The following PXDNL variants were observed in gnomAD, a reference collection of about 807,000 sequenced individuals.
PXDNL encodes the protein probable oxidoreductase PXDNL.
A neutral mutation model predicts 150.8 loss-of-function variants in PXDNL; 145 were observed. That is an observed-to-expected ratio of 0.96 (90% confidence interval 0.84 to 1.10). PXDNL has a LOEUF of 1.10. Among genes scored for constraint, PXDNL ranks in the 50% least tolerant of loss-of-function variants. PXDNL has a pLI of 0.00. For synonymous variants in PXDNL, 757 were observed against 725.7 expected (o/e 1.04, Z -0.69); for missense variants, 2,087 against 1,873.9 (o/e 1.11, Z -2.10).
intron 9 of PXDNL, among the ~76,000 whole-genome samples, chr8:51,455,110 C>T (rs533064155): frequency 0.05 from 48 of 968 alleles, 7 homozygotes; most frequent in African/African-American, 0.059. Flanking sequence ...AGCGAGACTC[C>T]GTCTCAAAAA....
intron 1 of PXDNL, among the ~76,000 whole-genome samples, chr8:51,803,258 A>G (rs1171106801): frequency 6.6e-6 from 1 of 152,144 alleles, no homozygotes; most frequent in East Asian, 1.9e-4. Flanking sequence ...TTACTTGCTT[A>G]TATCAATATC....
At chr8:51,435,893 TA>T in intron 12 of PXDNL, 1 of 470,252 alleles carries the variant, frequency 2.1e-6, no homozygotes, top group East Asian at 5.6e-5. Context: ...AAATGGATCG[TA>T]AGCATAAATA....
chr8:51,378,915 C>T (rs1335983368), intron 17 of PXDNL, among the ~76,000 whole-genome samples: 2 of 152,158 alleles, frequency 1.3e-5, no homozygotes, highest in Non-Finnish European at 2.9e-5. Flanking sequence ...ACACTCACGG[C>T]GAGGGTCTGC....
At chr8:51,341,689 C>A (rs1449406520) in intron 20 of PXDNL, among the ~76,000 whole-genome samples, 1 of 152,156 alleles carries the variant, frequency 6.6e-6, no homozygotes, top group Non-Finnish European at 1.5e-5. Flanking sequence ...TTTTAGATAC[C>A]TCATATAAAC....
At chr8:51,744,109 A>G (rs1286030853) in intron 1 of PXDNL, among the ~76,000 whole-genome samples, 1 of 141,746 alleles carries the variant, frequency 7.1e-6, no homozygotes, top group Non-Finnish European at 1.6e-5. Context: ...AAAGAAAGAA[A>G]GAAAGAAAGA....
intron 12 of PXDNL, among the ~76,000 whole-genome samples, chr8:51,445,834 G>A (rs1181137535): frequency 6.6e-6 from 1 of 152,048 alleles, no homozygotes; most frequent in Admixed American, 6.5e-5. Flanking sequence ...CAAGCTTTTG[G>A]TATTTCCTCT....
chr8:51,735,265 G>A (rs1207798443), intron 1 of PXDNL, among the ~76,000 whole-genome samples: 1 of 152,002 alleles, frequency 6.6e-6, no homozygotes, highest in Non-Finnish European at 1.5e-5. Context: ...TGGATCACTT[G>A]AGGTCAGGAG....
intron 1 of PXDNL, among the ~76,000 whole-genome samples, chr8:51,714,078 T>A (rs1374960540): frequency 6.6e-6 from 1 of 152,218 alleles, no homozygotes; most frequent in African/African-American, 2.4e-5. Flanking sequence ...AAATGGATAG[T>A]ACATTGAGTT....
At chr8:51,422,587 C>T (rs868698024) in intron 14 of PXDNL, among the ~76,000 whole-genome samples, 2 of 152,162 alleles carry the variant, frequency 1.3e-5, no homozygotes, top group Middle Eastern at 3.4e-3. Flanking sequence ...ACCCATAAGG[C>T]GTGGAAAAAC....
At chr8:51,387,612 A>G (rs1416758593) in intron 17 of PXDNL, among the ~76,000 whole-genome samples, 2 of 152,208 alleles carry the variant, frequency 1.3e-5, no homozygotes, top group East Asian at 3.9e-4. Context: ...CATACCTTTT[A>G]TTAAGGAAAT....
chr8:51,676,999 T>C (rs948620901), intron 1 of PXDNL, among the ~76,000 whole-genome samples: 1 of 152,226 alleles, frequency 6.6e-6, no homozygotes, highest in Non-Finnish European at 1.5e-5. Flanking sequence ...CAGAGGCTTA[T>C]CCTCTTAACT....
intron 4 of PXDNL, among the ~76,000 whole-genome samples, chr8:51,556,083 C>A (rs7007565): frequency 0.28 from 42,486 of 151,720 alleles, 7,541 homozygotes; most frequent in African/African-American, 0.5. Flanking sequence ...ACCAGACTGG[C>A]CAATGTGGTG....
intron 1 of PXDNL, among the ~76,000 whole-genome samples, chr8:51,776,032 G>C (rs561482416): frequency 6.6e-6 from 1 of 152,184 alleles, no homozygotes; most frequent in African/African-American, 2.4e-5. Flanking sequence ...TTTTACAGTT[G>C]TGTAAGGAAC....
intron 14 of PXDNL, among the ~76,000 whole-genome samples, 192 bp downstream of exon 14, chr8:51,423,383 T>G (rs943535291): frequency 3.3e-5 from 5 of 152,216 alleles, no homozygotes; most frequent in Non-Finnish European, 7.3e-5. Flanking sequence ...TTTTTCACTT[T>G]ATATCCTTTA....
chr8:51,488,692 T>A (rs1172925360), intron 5 of PXDNL, among the ~76,000 whole-genome samples: 2 of 152,086 alleles, frequency 1.3e-5, no homozygotes, highest in African/African-American at 4.8e-5. Context: ...TGTAAGAAAA[T>A]AAACTTATCT....
chr8:51,404,948 C>A (rs1263958773), intron 17 of PXDNL, among the ~76,000 whole-genome samples: 1 of 152,212 alleles, frequency 6.6e-6, no homozygotes. Flanking sequence ...GCATGGTGGG[C>A]TGCAGGTCCG....
At chr8:51,567,363 G>A (rs1407503521) in intron 3 of PXDNL, among the ~76,000 whole-genome samples, 1 of 151,694 alleles carries the variant, frequency 6.6e-6, no homozygotes, top group East Asian at 1.9e-4. Flanking sequence ...TGCTGATAGA[G>A]GCATGTTGAA....
intron 1 of PXDNL, among the ~76,000 whole-genome samples, chr8:51,696,279 G>A (rs1816122501): frequency 6.6e-6 from 1 of 152,160 alleles, no homozygotes. Flanking sequence ...TCATAATGGT[G>A]GAGCCCTGAT....
intron 12 of PXDNL, among the ~76,000 whole-genome samples, chr8:51,440,305 A>G (rs1809511235): frequency 6.6e-6 from 1 of 152,136 alleles, no homozygotes; most frequent in Non-Finnish European, 1.5e-5. Context: ...GTGAGGGATG[A>G]AAGACTACAC....
Sources: allele counts gnomAD v4.1 joint callset (sites outside exome capture counted in the v4.1 genomes callset), GRCh38; gene constraint gnomAD v4.1.1; transcripts MANE v1.5; gene names NCBI Gene and HGNC (gene_info 2026-07-23, HGNC 2026-07-21).